The following WDR33 variants were observed in gnomAD, a reference collection of about 807,000 sequenced individuals.
WDR33 encodes the protein pre-mRNA 3' end processing protein WDR33.
Under a neutral mutation model 164.9 loss-of-function variants are expected in WDR33, and 47 were observed. The observed-to-expected ratio is 0.29, with a 90% CI of 0.23 to 0.36. The LOEUF is 0.36. Among genes scored for constraint, WDR33 ranks in the 10% least tolerant of loss-of-function variants. The pLI is 1.00. For missense variants in WDR33, 1,137 were observed against 1,754.1 expected, an observed-to-expected ratio of 0.65 and a Z score of 6.28; for synonymous variants, 505 against 589.0, an observed-to-expected ratio of 0.86 and a Z score of 2.06.
At chr2:127,803,615 C>T (rs907205338) in intron 1 of WDR33, among the ~76,000 whole-genome samples, 2 of 151,974 alleles carry the variant, frequency 1.3e-5, no homozygotes, top group Non-Finnish European at 2.9e-5. Context: ...TTTTTAATAT[C>T]ATGTTTTCTA....
At chr2:127,754,583 A>AT (rs764744041) in intron 7 of WDR33, among the ~76,000 whole-genome samples, 12,054 of 118,952 alleles carry the variant, frequency 0.1, 660 homozygotes, top group Middle Eastern at 0.14. Flanking sequence ...CATGTTTTTC[A>AT]TTTTTTTTTT....
rs758253329 is a variant in WDR33, at chr2:127,708,941, A to G, written c.3566-49T>C. On this transcript the variant is annotated intron_variant, in intron 20 of 21. Coordinates refer to ENST00000322313, the MANE Select transcript of WDR33 (RefSeq NM_018383.5). This position sits in a 1 kb window ranked among gnomAD's most constrained non-coding sequence, Gnocchi z 6.7. ...TACAGGAAAGCACAGTGTGACCAGA[A>G]GTAGATGGGAATGACACTGTGAGAG... is the stretch of plus-strand genomic sequence containing the variant. 6.7e-7 allele frequency: 1 copy of G among 1,487,120 alleles called. No individual in the cohort carries two copies. The highest frequency in any genetic ancestry group is 9.0e-7 in the Non-Finnish European group (1 of 1,112,584). The allele number at this position is 1,487,120 out of a possible 1,614,324, so 92.1% of individuals were successfully genotyped here.
intron 7 of WDR33, among the ~76,000 whole-genome samples, chr2:127,747,148 T>C (rs927397828): frequency 3.9e-5 from 6 of 151,984 alleles, no homozygotes; most frequent in Admixed American, 2.0e-4. Context: ...CTAAATTATA[T>C]GAAAATTAAT....
In WDR33 at chr2:127,770,747, T is replaced by A. The variant is rs1687976228; in HGVS notation, c.204+31A>T. 7.5e-7 allele frequency: 1 copy of A among 1,335,342 alleles called. No homozygotes were observed. Among genetic ancestry groups the A allele is most frequent in the African/African-American group, 1.5e-5 (1 of 66,584 alleles). The allele number at this position is 1,335,342 out of a possible 1,614,324, so 82.7% of individuals were successfully genotyped here. On this transcript the variant is annotated intron_variant, in intron 2 of 21. Coordinates refer to ENST00000322313, the MANE Select transcript of WDR33 (RefSeq NM_018383.5). The surrounding 1 kb of genome is among the most constrained non-coding windows in gnomAD (Gnocchi z 4.9). ...AATAAATAAATAAATAACCAAAGTT[T>A]GGTCATCTGAAGCACATAAATCAGG...
At chr2:127,760,792 C>T (rs926855169) in intron 7 of WDR33, among the ~76,000 whole-genome samples, 9 of 152,040 alleles carry the variant, frequency 5.9e-5, no homozygotes, top group African/African-American at 1.9e-4. Flanking sequence ...TAAAAAGAAT[C>T]AAAAGATATT....
In WDR33 at chr2:127,701,453, C is replaced by T. The variant is rs1371511848; in HGVS notation, c.*4870G>A. ...TTTCGCCGTCGCCGACCAATTGCCG[C>T]CCGAAGACCGAACCGCTTCAGCGGA... On this transcript the variant is annotated 3_prime_UTR_variant, in exon 22 of 22. Transcript: ENST00000322313. The T allele has an allele frequency of 9.8e-6, 12 of 1,227,230 alleles. No individual in the cohort carries two copies. The highest frequency in any genetic ancestry group is 1.2e-5 in the Non-Finnish European group (12 of 979,694). The allele number at this position is 1,227,230 out of a possible 1,614,324, so 76.0% of individuals were successfully genotyped here.
intron 7 of WDR33, among the ~76,000 whole-genome samples, chr2:127,754,907 C>A (rs1411369770): frequency 6.6e-6 from 1 of 152,128 alleles, no homozygotes; most frequent in African/African-American, 2.4e-5. Context: ...CAGCTAAATA[C>A]TAATCTTCCC....
At chr2:127,784,521 T>C (rs1193183405) in intron 1 of WDR33, among the ~76,000 whole-genome samples, 1 of 152,144 alleles carries the variant, frequency 6.6e-6, no homozygotes, top group African/African-American at 2.4e-5. Flanking sequence ...TAGCGGGGAC[T>C]ACAGGTACGT....
chr2:127,701,612 C>A lies in WDR33; in HGVS notation c.*4711G>T. 1.5e-6 allele frequency: 2 copies of A among 1,345,294 alleles called. No individual in the cohort carries two copies. Among genetic ancestry groups the A allele is most frequent in the Non-Finnish European group, 9.5e-7 (1 of 1,049,752 alleles). 83.3% of individuals were successfully genotyped at this position (1,345,294 alleles called of 1,614,324 possible). A position where few individuals can be genotyped will look rare whatever the true frequency, so the allele number is the denominator to read the frequency against. ...CGGCGGCCGCGGAGCCGCTGCTCGC[C>A]GCGGAGAAGGCGGAGGAGCCCGGGG... is the stretch of plus-strand genomic sequence containing the variant. On this transcript the variant is annotated 3_prime_UTR_variant, in exon 22 of 22. Transcript: ENST00000322313.
At chr2:127,783,890 G>A (rs1688465843) in intron 1 of WDR33, among the ~76,000 whole-genome samples, 3 of 151,718 alleles carry the variant, frequency 2.0e-5, no homozygotes, top group Non-Finnish European at 4.4e-5. Flanking sequence ...ACAAGAGTGA[G>A]CCACCGCACC....
chr2:127,772,436 TA>T (rs72109909), intron 1 of WDR33, among the ~76,000 whole-genome samples: 43 of 148,858 alleles, frequency 2.9e-4, no homozygotes, highest in East Asian at 2.8e-3. Flanking sequence ...AAGACTGTCT[TA>T]AAAAAAAAAA....
At chr2:127,783,703 C>A (rs1488465604) in intron 1 of WDR33, among the ~76,000 whole-genome samples, 2 of 137,474 alleles carry the variant, frequency 1.5e-5, no homozygotes, top group African/African-American at 5.5e-5. Context: ...CTCCTAGGTT[C>A]AAGTGATTCT....
rs988307884 is a variant in WDR33, at chr2:127,702,263, G to A, written c.*4060C>T. ...GCCGAGCTGAGGACTGCACGCCGCT[G>A]TGCGGAAGCCCGTGGCGAAGGCCCT... On this transcript the variant is annotated 3_prime_UTR_variant, in exon 22 of 22. Transcript: ENST00000322313. 2 of 1,140,460 alleles carry A rather than the reference G, an allele frequency of 1.8e-6. No individual in the cohort carries two copies. The highest frequency in any genetic ancestry group is 9.5e-5 in the Admixed American group (2 of 20,946). 70.6% of individuals were successfully genotyped at this position (1,140,460 alleles called of 1,614,324 possible). A position where few individuals can be genotyped will look rare whatever the true frequency, so the allele number is the denominator to read the frequency against.
intron 1 of WDR33, among the ~76,000 whole-genome samples, chr2:127,808,907 A>G (rs1358378173): frequency 6.6e-6 from 1 of 151,948 alleles, no homozygotes; most frequent in East Asian, 1.9e-4. Flanking sequence ...GCGGGCGCCT[A>G]TAGTCCCAGC....
chr2:127,783,767 G>C (rs959576961), intron 1 of WDR33, among the ~76,000 whole-genome samples: 6 of 151,832 alleles, frequency 4.0e-5, no homozygotes, highest in Non-Finnish European at 7.4e-5. Flanking sequence ...ACCACCCCCA[G>C]CTAATTTTTT....
rs2105364059 is a variant in WDR33 at position 127,701,951 on chromosome 2, G to C, written c.*4372C>G. ...GACGCCTGCTGCGCTGCGAAGAAGC[G>C]CCGTCCCGGCCCGCGCTGCTCTACA... On this transcript the variant is annotated 3_prime_UTR_variant, in exon 22 of 22. Coordinates refer to ENST00000322313, the MANE Select transcript of WDR33 (RefSeq NM_018383.5). 1 of 1,403,306 alleles carries C rather than the reference G, an allele frequency of 7.1e-7. No individual in the cohort carries two copies. The highest frequency in any genetic ancestry group is 9.2e-7 in the Non-Finnish European group (1 of 1,085,940). 86.9% of individuals were successfully genotyped at this position (1,403,306 alleles called of 1,614,324 possible). A position where few individuals can be genotyped will look rare whatever the true frequency, so the allele number is the denominator to read the frequency against.
chr2:127,786,420 C>T (rs1261208861), intron 1 of WDR33, among the ~76,000 whole-genome samples: 3 of 152,190 alleles, frequency 2.0e-5, no homozygotes, highest in Non-Finnish European at 4.4e-5. Flanking sequence ...CGGTGGCTCA[C>T]GCCTGTATTC....
At chr2:127,742,256 A>C (rs963403012) in intron 7 of WDR33, among the ~76,000 whole-genome samples, 7 of 151,874 alleles carry the variant, frequency 4.6e-5, no homozygotes, top group Non-Finnish European at 1.0e-4. Flanking sequence ...GGCTGGGCAC[A>C]GTGGCTCAAG....
At position 127,712,930 on chromosome 2, in the gene WDR33, T is replaced by C. The variant is rs998225187; in HGVS notation, c.3308+653A>G. 6.6e-6 allele frequency among the ~76,000 whole-genome samples: 1 copy of C among 152,052 alleles called. No homozygotes were observed. The highest frequency in any genetic ancestry group is 2.4e-5 in the African/African-American group (1 of 41,398). The stretch of plus-strand genomic sequence containing the variant: ...CCACCAAACCCAGCTAATTAAAAAA[T>C]TTTTTTTGTAGAGATGGAGTTACAC... On this transcript the variant is annotated intron_variant, in intron 18 of 21. Coordinates refer to ENST00000322313, the MANE Select transcript of WDR33 (RefSeq NM_018383.5). The surrounding 1 kb of genome is among the most constrained non-coding windows in gnomAD (Gnocchi z 4.0).
Sources: gnomAD v4.1 joint callset for allele counts (sites outside exome capture counted in the v4.1 genomes callset) on GRCh38, gnomAD v4.1.1 for gene constraint, Gnocchi (gnomAD v3.1) non-coding constraint, MANE v1.5 for transcripts, NCBI Gene and HGNC (gene_info 2026-07-23, HGNC 2026-07-21) for gene names.